Variants in ADGRB3 observed in about 807,000 individuals in gnomAD.
ADGRB3 encodes the protein adhesion G protein-coupled receptor B3.
A neutral mutation model predicts 193.4 loss-of-function variants in ADGRB3; 37 were observed. That is an observed-to-expected ratio of 0.19 (90% confidence interval 0.15 to 0.25). The LOEUF (loss-of-function observed/expected upper bound fraction) is 0.25, where lower values mean the gene tolerates loss of function less well. ADGRB3 is among the 10% of genes least tolerant of loss of function. The pLI, the probability that ADGRB3 is intolerant of heterozygous loss-of-function variation, is 1.00. For synonymous variants in ADGRB3, 690 were observed against 644.2 expected (o/e 1.07, Z -1.08); for missense variants, 1,637 against 1,852.9 (o/e 0.88, Z 2.14).
chr6:69,286,460 T>C lies in ADGRB3; in HGVS notation c.2815-38412T>C, dbSNP rs3799078. Among the ~76,000 whole-genome samples the C allele has an allele frequency of 2.1e-3, 316 of 152,344 alleles. 1 individual carries two copies. In the East Asian group the frequency reaches 0.04, roughly 19 times the overall value. The stretch of plus-strand genomic sequence containing the variant: ...AACTTAGAAAGAAGATGCTATTTAC[T>C]TGTGCCTTTTAAATTGTCATATCAA... On this transcript the variant is annotated intron_variant, in intron 20 of 31. Transcript: ENST00000370598.
chr6:68,775,164 C>A (rs1002426828), intron 3 of ADGRB3, among the ~76,000 whole-genome samples: 14 of 39,874 alleles, frequency 3.5e-4, no homozygotes, highest in African/African-American at 8.2e-4. Flanking sequence ...AAAAAAAAGT[C>A]TTTTAATGTT....
intron 12 of ADGRB3, among the ~76,000 whole-genome samples, 172 bp from the exon 13 acceptor site, chr6:69,018,219 C>A (rs1207702598): frequency 2.0e-5 from 3 of 151,822 alleles, no homozygotes; most frequent in Non-Finnish European, 4.4e-5. Context: ...AATGTGACAC[C>A]TGATGTCATT....
In ADGRB3 at chr6:69,325,033, TG is replaced by T; in HGVS notation, c.2965+12del. The T allele has an allele frequency of 6.2e-7, 1 of 1,609,864 alleles. No homozygotes were observed. The highest frequency in any genetic ancestry group is 1.1e-5 in the South Asian group (1 of 90,498). The stretch of plus-strand genomic sequence containing the variant: ...TGTGCCTTGGATGGGGTAAGCATAT[TG>T]ATATACCGTTTCATGCTCTTCTCAA... On this transcript the variant is annotated intron_variant, in intron 21 of 31. Transcript: ENST00000370598.
rs112267285 is a variant in ADGRB3 at position 68,703,332 on chromosome 6, A to G, written c.757+63900A>G. Among the ~76,000 whole-genome samples, 533 of 152,306 alleles carry G rather than the reference A, an allele frequency of 3.5e-3. 1 individual carries two copies. The highest frequency in any genetic ancestry group is 5.4e-3 in the Non-Finnish European group (370 of 68,018). On this transcript the variant is annotated intron_variant, in intron 3 of 31. Transcript: ENST00000370598. ...GAAAAGCAAGCTTAAATACAACATAAACACTCTCCCATAAGCTACTACCAT... is the reference window on the plus strand; with the variant it reads ...GAAAAGCAAGCTTAAATACAACATAGACACTCTCCCATAAGCTACTACCAT...
chr6:68,689,669 GTTTGTTTT>G (rs1388150262), intron 3 of ADGRB3, among the ~76,000 whole-genome samples: 7 of 149,662 alleles, frequency 4.7e-5, no homozygotes, highest in Non-Finnish European at 8.9e-5. Context: ...TTGTTTGTTT[GTTTGTTTT>G]TGTTTTTTTT....
In ADGRB3 at chr6:69,354,820, A is replaced by G. The variant is rs1036327269; in HGVS notation, c.3555+492A>G. On this transcript the variant is annotated intron_variant, in intron 27 of 31. Coordinates refer to ENST00000370598, the MANE Select transcript of ADGRB3 (RefSeq NM_001704.3). Reference sequence around the variant, plus strand: ...AGAACCACTGTTCTAAAGTGTAAGGAGTAGCCACTCTTTTAGTGAAAGACC... The same window carrying G: ...AGAACCACTGTTCTAAAGTGTAAGGGGTAGCCACTCTTTTAGTGAAAGACC... Among the ~76,000 whole-genome samples, 49 of 152,158 alleles carry G rather than the reference A, an allele frequency of 3.2e-4. 1 individual carries two copies. Among genetic ancestry groups the G allele is most frequent in the Admixed American group, 1.2e-3 (18 of 15,268 alleles).
chr6:69,046,443 A>G (rs1053383951), intron 13 of ADGRB3, among the ~76,000 whole-genome samples: 2 of 152,214 alleles, frequency 1.3e-5, no homozygotes, highest in African/African-American at 4.8e-5. Context: ...ACCCTGCAGG[A>G]GAGATGAACT....
chr6:69,291,715 G>A (rs575079115), intron 20 of ADGRB3, among the ~76,000 whole-genome samples: 1 of 152,156 alleles, frequency 6.6e-6, no homozygotes, highest in East Asian at 1.9e-4. Flanking sequence ...TAACCTCATG[G>A]CAAATGAAGG....
chr6:68,666,750 A>G (rs898001373), intron 3 of ADGRB3, among the ~76,000 whole-genome samples: 6 of 151,808 alleles, frequency 4.0e-5, no homozygotes, highest in Non-Finnish European at 8.8e-5. Flanking sequence ...TTAATGTCAT[A>G]ACTAGAACTT....
At chr6:69,082,182 GA>G (rs918374299) in intron 17 of ADGRB3, among the ~76,000 whole-genome samples, 15 of 151,078 alleles carry the variant, frequency 9.9e-5, no homozygotes, top group Admixed American at 3.3e-4. Context: ...GTCTTTTATA[GA>G]AAAAAAAATT....
intron 20 of ADGRB3, among the ~76,000 whole-genome samples, chr6:69,304,342 C>T (rs1768018193): frequency 6.6e-5 from 10 of 151,170 alleles, no homozygotes; most frequent in Admixed American, 6.6e-4. Context: ...TGAATACATT[C>T]AATAAGTTCA....
intron 17 of ADGRB3, among the ~76,000 whole-genome samples, chr6:69,179,971 G>A (rs997342925): frequency 1.3e-5 from 2 of 152,210 alleles, no homozygotes; most frequent in Non-Finnish European, 2.9e-5. Context: ...CTGGGTGCAG[G>A]AGCCAGATGG....
intron 20 of ADGRB3, among the ~76,000 whole-genome samples, chr6:69,251,499 TC>T (rs1766619039): frequency 6.6e-6 from 1 of 152,204 alleles, no homozygotes; most frequent in South Asian, 2.1e-4. Flanking sequence ...TAGCACACAC[TC>T]ATTAAATATT....
At chr6:69,323,657 A>T (rs956113846) in intron 20 of ADGRB3, among the ~76,000 whole-genome samples, 1 of 152,068 alleles carries the variant, frequency 6.6e-6, no homozygotes, top group South Asian at 2.1e-4. Flanking sequence ...CTTGCTGTAT[A>T]CCTAGCACAG....
intron 3 of ADGRB3, among the ~76,000 whole-genome samples, chr6:68,682,634 T>C (rs1307069560): frequency 6.6e-6 from 1 of 152,166 alleles, no homozygotes; most frequent in Non-Finnish European, 1.5e-5. Flanking sequence ...GCACTATTTA[T>C]CATGAAAGTC....
chr6:69,037,295 A>T (rs1205393518), intron 13 of ADGRB3, among the ~76,000 whole-genome samples: 1 of 152,120 alleles, frequency 6.6e-6, no homozygotes, highest in Admixed American at 6.5e-5. Context: ...GAATCTCAAT[A>T]TTGGCTTTGC....
chr6:68,973,003 G>A (rs1487539659), intron 8 of ADGRB3, among the ~76,000 whole-genome samples: 1 of 152,144 alleles, frequency 6.6e-6, no homozygotes, highest in Non-Finnish European at 1.5e-5. Context: ...GGCTGGTGAA[G>A]GTTGAATTAA....
At chr6:68,990,044 G>T (rs1001606835) in intron 10 of ADGRB3, among the ~76,000 whole-genome samples, 4 of 151,984 alleles carry the variant, frequency 2.6e-5, no homozygotes, top group African/African-American at 9.7e-5. Flanking sequence ...CAACAAAGGA[G>T]GAGAAGTAGA....
chr6:68,889,726 T>C (rs915876024), intron 3 of ADGRB3, among the ~76,000 whole-genome samples: 6 of 152,046 alleles, frequency 3.9e-5, no homozygotes, highest in Non-Finnish European at 8.8e-5. Context: ...ATATTCTCGA[T>C]CTCCTGACCT....
Sources: allele counts gnomAD v4.1 joint callset (sites outside exome capture counted in the v4.1 genomes callset), GRCh38; gene constraint gnomAD v4.1.1; transcripts MANE v1.5; gene names NCBI Gene and HGNC (gene_info 2026-07-23, HGNC 2026-07-21).